Variants in YPEL3 observed in about 807,000 individuals in gnomAD.
YPEL3 encodes yippee like 3.
In YPEL3, 5 loss-of-function variants were observed where a neutral mutation model predicts 17.5. The ratio of observed to expected loss-of-function variants is 0.29; its 90% CI spans 0.15 to 0.60. The LOEUF (loss-of-function observed/expected upper bound fraction) is 0.60, where lower values mean the gene tolerates loss of function less well. YPEL3 is among the 20% of genes least tolerant of loss of function. YPEL3 has a pLI of 0.87. For synonymous variants in YPEL3, 87 were observed against 87.2 expected, an observed-to-expected ratio of 1.00 and a Z score of 0.01; for missense variants, 155 against 211.4, an observed-to-expected ratio of 0.73 and a Z score of 1.65.
rs1341114700 is a variant in YPEL3, at chr16:30,095,220, G to A, written c.231+32C>T. On this transcript the variant is annotated intron_variant, in intron 1 of 3. Transcript: ENST00000398841. This position sits in a 1 kb window ranked among gnomAD's most constrained non-coding sequence, Gnocchi z 5.4. ...GGGGAGCTGCCAGGCAGCCCCTATAGGTTCCAGCCCCACTGTGGCCTGGTT... is the reference window on the plus strand; with the variant it reads ...GGGGAGCTGCCAGGCAGCCCCTATAAGTTCCAGCCCCACTGTGGCCTGGTT... 6.2e-6 allele frequency: 10 copies of A among 1,613,948 alleles called. No individual in the cohort carries two copies. Among genetic ancestry groups the A allele is most frequent in the Middle Eastern group, 3.3e-4 (2 of 6,082 alleles).
intron 3 of YPEL3, among the ~76,000 whole-genome samples, chr16:30,093,490 A>G (rs1026279867): frequency 6.6e-6 from 1 of 150,800 alleles, no homozygotes; most frequent in Non-Finnish European, 1.5e-5. Flanking sequence ...CGAACTCCTG[A>G]CCTCAGGTGA....
At position 30,092,577 on chromosome 16, in the gene YPEL3, T is replaced by C. The variant is rs1567344364; in HGVS notation, c.*133A>G. 2 of 734,720 alleles carry C rather than the reference T, an allele frequency of 2.7e-6. No individual in the cohort carries two copies. The highest frequency in any genetic ancestry group is 4.5e-6 in the Non-Finnish European group (2 of 442,900). The allele number at this position is 734,720 out of a possible 1,614,324, so 45.5% of individuals were successfully genotyped here. On this transcript the variant is annotated 3_prime_UTR_variant, in exon 4 of 4. Transcript: ENST00000398841. ...CAAGGTCACAGTGCATGCAATAAAA[T>C]ATATATACAGGAGCTAGATCCGTCC... is the stretch of plus-strand genomic sequence containing the variant.
In YPEL3 at chr16:30,092,395, GGGA is replaced by G. The variant is rs2072740252; in HGVS notation, c.*312_*314del. 5.8e-6 allele frequency: 2 copies of G among 345,344 alleles called. No homozygotes were observed. Among genetic ancestry groups the G allele is most frequent in the Admixed American group, 4.3e-5 (1 of 23,426 alleles). 21.4% of individuals were successfully genotyped at this position (345,344 alleles called of 1,614,324 possible). On this transcript the variant is annotated 3_prime_UTR_variant, in exon 4 of 4. Coordinates refer to ENST00000398841, the MANE Select transcript of YPEL3 (RefSeq NM_031477.5). Reference sequence around the variant, plus strand: ...ACGCGTGGGGTAAGAAGGGCCTGGTGGGAGGAGTTCACAGAGCAGACGGTGCAC... The same window carrying G: ...ACGCGTGGGGTAAGAAGGGCCTGGTGGGAGTTCACAGAGCAGACGGTGCAC...
At chr16:30,094,639 G>T in intron 3 of YPEL3, 150 bp downstream of exon 3, 1 of 745,980 alleles carries the variant, frequency 1.3e-6, no homozygotes, top group Non-Finnish European at 2.4e-6. Context: ...CCCCTTGCAA[G>T]GTGCAAGATA....
In YPEL3 at chr16:30,095,743, G is replaced by A; in HGVS notation, c.-261C>T. ...GGAGGGGCTGGGCTGTCAGTTCCCA[G>A]TTTCGGGGGAGCATGGGCGGGTAGG... On this transcript the variant is annotated 5_prime_UTR_variant, in exon 1 of 4. Transcript: ENST00000398841. This position sits in a 1 kb window ranked among gnomAD's most constrained non-coding sequence, Gnocchi z 5.4. The A allele has an allele frequency of 2.1e-6, 1 of 467,840 alleles. No homozygotes were observed. Among genetic ancestry groups the A allele is most frequent in the African/African-American group, 1.9e-5 (1 of 51,724 alleles). 29.0% of individuals were successfully genotyped at this position (467,840 alleles called of 1,614,324 possible).
chr16:30,092,691 T>A lies in YPEL3; in HGVS notation c.*19A>T, dbSNP rs2072745372. 2 of 1,613,402 alleles carry A rather than the reference T, an allele frequency of 1.2e-6. No homozygotes were observed. The highest frequency in any genetic ancestry group is 2.2e-5 in the East Asian group (1 of 44,884). On this transcript the variant is annotated 3_prime_UTR_variant, in exon 4 of 4. Transcript: ENST00000398841. ...GCGGCCAGGCCGGGCTGGAGCCACATGCGTCGGGGGAGCGGGGGTCAGTCC... is the reference window on the plus strand; with the variant it reads ...GCGGCCAGGCCGGGCTGGAGCCACAAGCGTCGGGGGAGCGGGGGTCAGTCC...
rs2072785268 is a variant in YPEL3, at chr16:30,095,647, G to C, written c.-165C>G. ...GGAAACTGAGGCTCGGAGGTGCCCA[G>C]GGTGAGTCACCCGCCTGCTTCCGGC... On this transcript the variant is annotated 5_prime_UTR_variant, in exon 1 of 4. Coordinates refer to ENST00000398841, the MANE Select transcript of YPEL3 (RefSeq NM_031477.5). The surrounding 1 kb of genome is among the most constrained non-coding windows in gnomAD (Gnocchi z 5.4). 6 of 600,992 alleles carry C rather than the reference G, an allele frequency of 1.0e-5. No individual in the cohort carries two copies. The allele number at this position is 600,992 out of a possible 1,614,324, so 37.2% of individuals were successfully genotyped here.
At chr16:30,094,321 G>C (rs1435380709) in intron 3 of YPEL3, 1 of 181,426 alleles carries the variant, frequency 5.5e-6, no homozygotes, top group Non-Finnish European at 1.2e-5. Flanking sequence ...GTGACCAAGG[G>C]TTTGGAGTGA....
At chr16:30,092,975 CTTTT>C (rs960469517) in intron 3 of YPEL3, among the ~76,000 whole-genome samples, 176 bp from the exon 4 acceptor site, 2 of 152,118 alleles carry the variant, frequency 1.3e-5, no homozygotes, top group Admixed American at 6.5e-5. Context: ...CTCAAAGGTA[CTTTT>C]TTAAGTACTA....
intron 3 of YPEL3, among the ~76,000 whole-genome samples, chr16:30,093,331 C>T (rs1370118497): frequency 2.0e-5 from 3 of 152,130 alleles, no homozygotes; most frequent in Admixed American, 6.5e-5. Flanking sequence ...GGCGCGATAT[C>T]GGCTCACTGC....
At chr16:30,092,932 C>A in intron 3 of YPEL3, 133 bp from the exon 4 acceptor site, 1 of 696,472 alleles carries the variant, frequency 1.4e-6, no homozygotes, top group Non-Finnish European at 2.5e-6. Flanking sequence ...GGCCGTATTT[C>A]TCACAAACAC....
Position 30,092,637 on chromosome 16 carries a change from G to A in YPEL3, c.*73C>T, listed in dbSNP as rs2072744174. On this transcript the variant is annotated 3_prime_UTR_variant, in exon 4 of 4. Transcript: ENST00000398841. ...GCTCTGAGGGTCCAGAGCTCCCTTC[G>A]GGTGGCGGGAAGCCAGTGGCGCTCC... 1 of 1,432,160 alleles carries A rather than the reference G, an allele frequency of 7.0e-7. No homozygotes were observed. Among genetic ancestry groups the A allele is most frequent in the Non-Finnish European group, 9.8e-7 (1 of 1,018,944 alleles). 88.7% of individuals were successfully genotyped at this position (1,432,160 alleles called of 1,614,324 possible). A position where few individuals can be genotyped will look rare whatever the true frequency, so the allele number is the denominator to read the frequency against.
rs1468493165 is a variant in YPEL3 at position 30,092,721 on chromosome 16, C to A, written c.463G>T (p.Gly155Cys). ...IELNHMIKDNGWD is the reference protein window; with the variant it reads ...IELNHMIKDNCWD ...CGGGGGAGCGGGGGTCAGTCCCAGC[C>A]GTTGTCTTTGATCATGTGGTTGAGT... Residue 155 changes from glycine to cysteine, a missense_variant, in exon 4 of 4, where the codon GGC (glycine) becomes TGC (cysteine). Physicochemically the swap from Gly to Cys is radical, Grantham distance 159. Transcript: ENST00000398841. The A allele has an allele frequency of 1.2e-6, 2 of 1,614,034 alleles. No homozygotes were observed. The highest frequency in any genetic ancestry group is 2.7e-5 in the African/African-American group (2 of 74,938).
rs1039950250 is a variant in YPEL3, at chr16:30,096,094, C to T, written c.-612G>A. The stretch of plus-strand genomic sequence containing the variant: ...CACGCAGCCCTGACGGCGCGGGCCT[C>T]ACCTCGCCTGGGCGCGCGGGGCCCG... On this transcript the variant is annotated 5_prime_UTR_variant, in exon 1 of 4. Transcript: ENST00000398841. 1.3e-5 allele frequency: 2 copies of T among 149,354 alleles called. No homozygotes were observed. The highest frequency in any genetic ancestry group is 1.3e-4 in the Admixed American group (2 of 15,074). The allele number at this position is 149,354 out of a possible 1,614,324, so 9.3% of individuals were successfully genotyped here.
In YPEL3 at chr16:30,095,378, CG is replaced by C; in HGVS notation, c.104del (p.Pro35ArgfsTer59). ...TTGAAATCCGCACCATGGCGGGGGC[CG>C]GGGGCAGTGGCCCCACGCGGGGAGC... ...WAAPRVGPLP[P>X]APAMVRISKP... is the part of the protein sequence containing the mutation. On this transcript the variant is annotated frameshift_variant, in exon 1 of 4. Transcript: ENST00000398841. LOFTEE classifies it high-confidence loss of function. This position sits in a 1 kb window ranked among gnomAD's most constrained non-coding sequence, Gnocchi z 5.4. 1 of 1,613,454 alleles carries C rather than the reference CG, an allele frequency of 6.2e-7. No homozygotes were observed. The highest frequency in any genetic ancestry group is 8.5e-7 in the Non-Finnish European group (1 of 1,179,782).
At position 30,096,201 on chromosome 16, in the gene YPEL3, T is replaced by A. The variant is rs1269721629; in HGVS notation, c.-719A>T. ...CCCCGGGCCCGGGTTCGCAGGCGCC[T>A]GGACTTGTTTACACCGAGCCCAGCT... On this transcript the variant is annotated 5_prime_UTR_variant, in exon 1 of 4. Transcript: ENST00000398841. The A allele has an allele frequency of 6.7e-6, 1 of 149,914 alleles. No homozygotes were observed. Among genetic ancestry groups the A allele is most frequent in the Non-Finnish European group, 1.5e-5 (1 of 67,066 alleles). 9.3% of individuals were successfully genotyped at this position (149,914 alleles called of 1,614,324 possible).
At position 30,095,581 on chromosome 16, in the gene YPEL3, C is replaced by T; in HGVS notation, c.-99G>A. On this transcript the variant is annotated 5_prime_UTR_variant, in exon 1 of 4. Transcript: ENST00000398841. The surrounding 1 kb of genome is among the most constrained non-coding windows in gnomAD (Gnocchi z 5.4). ...GCCTCTCCGGGGACCAGAGGCGTCT[C>T]GGTTTTGACTCAGTGAGGAGGCCTC... 1 of 1,098,970 alleles carries T rather than the reference C, an allele frequency of 9.1e-7. No individual in the cohort carries two copies. The highest frequency in any genetic ancestry group is 1.6e-5 in the African/African-American group (1 of 63,174). The allele number at this position is 1,098,970 out of a possible 1,614,324, so 68.1% of individuals were successfully genotyped here. A position where few individuals can be genotyped will look rare whatever the true frequency, so the allele number is the denominator to read the frequency against.
intron 3 of YPEL3, 140 bp downstream of exon 3, chr16:30,094,649 A>G (rs2072773775): frequency 1.3e-6 from 1 of 796,356 alleles, no homozygotes; most frequent in African/African-American, 1.7e-5. Flanking sequence ...GGTGCAAGAT[A>G]AAGAGAATGT....
Position 30,095,314 on chromosome 16 carries a change from G to C in YPEL3, c.169C>G (p.Arg57Gly). The C allele has an allele frequency of 1.9e-6, 3 of 1,614,212 alleles. No individual in the cohort carries two copies. The highest frequency in any genetic ancestry group is 2.5e-6 in the Non-Finnish European group (3 of 1,180,030). Residue 57 changes from arginine (R) to glycine (G), a missense_variant, in exon 1 of 4, where the codon CGG becomes GGG. Physicochemically the swap from Arg to Gly is moderately radical, Grantham distance 125 (BLOSUM62 -2). Around this residue, in one of 3 missense-constraint regions of YPEL3, gnomAD observed 74 missense variants for 134.9 expected, o/e 0.55. Coordinates refer to ENST00000398841, the MANE Select transcript of YPEL3 (RefSeq NM_031477.5). The surrounding 1 kb of genome is among the most constrained non-coding windows in gnomAD (Gnocchi z 5.4). ...CGGCAGTGGGCACAGCTATACCTCCGGTGACAATCATCCAAGTAGGCCTGA... is the reference window on the plus strand; with the variant it reads ...CGGCAGTGGGCACAGCTATACCTCCCGTGACAATCATCCAAGTAGGCCTGA... ...TFQAYLDDCH[R>G]RYSCAHCRAH...
Sources: allele counts gnomAD v4.1 joint callset (sites outside exome capture counted in the v4.1 genomes callset), GRCh38; gene constraint gnomAD v4.1.1; regional missense constraint gnomAD v4.1.1; non-coding constraint Gnocchi (gnomAD v3.1); transcripts MANE v1.5; gene names NCBI Gene and HGNC (gene_info 2026-07-23, HGNC 2026-07-21).